The following TNFSF4 variants were observed in gnomAD, a reference collection of about 807,000 sequenced individuals.
The protein encoded by TNFSF4 is TNF superfamily member 4, also known as tumor necrosis factor ligand superfamily member 4.
A neutral mutation model predicts 7.3 loss-of-function variants in TNFSF4; 4 were observed. That is an observed-to-expected ratio of 0.55 (90% confidence interval 0.27 to 1.25). The LOEUF (loss-of-function observed/expected upper bound fraction) is 1.25, where lower values mean the gene tolerates loss of function less well. Ranked by LOEUF, TNFSF4 falls within the 50% of genes most tolerant of loss-of-function variation. The pLI is 0.12. For synonymous variants in TNFSF4, 76 were observed against 83.7 expected, an observed-to-expected ratio of 0.91 and a Z score of 0.50; for missense variants, 181 against 208.8, an observed-to-expected ratio of 0.87 and a Z score of 0.82.
the TNFSF4 span, among the ~76,000 whole-genome samples, chr1:173,323,395 T>C: frequency 6.6e-6 from 1 of 151,880 alleles, no homozygotes; most frequent in Non-Finnish European, 1.5e-5. Context: ...TACATCACCA[T>C]CATCAAAGAC....
the TNFSF4 span, among the ~76,000 whole-genome samples, chr1:173,407,724 G>GTGGGTA: frequency 6.6e-6 from 1 of 151,634 alleles, no homozygotes; most frequent in African/African-American, 2.4e-5. Flanking sequence ...GTGTGTGTGT[G>GTGGGTA]TGTGTCCTAG....
the TNFSF4 span, among the ~76,000 whole-genome samples, chr1:173,303,957 C>A: frequency 6.6e-6 from 1 of 151,786 alleles, no homozygotes; most frequent in African/African-American, 2.4e-5. Context: ...GAATTTAATG[C>A]AACAGCATTT....
the TNFSF4 span, among the ~76,000 whole-genome samples, chr1:173,385,148 T>C: frequency 6.6e-6 from 1 of 152,242 alleles, no homozygotes. Context: ...ATGAATCCTT[T>C]ATTCAAACAA....
chr1:173,232,475 G>C, the TNFSF4 span, among the ~76,000 whole-genome samples: 3 of 151,964 alleles, frequency 2.0e-5, no homozygotes, highest in Non-Finnish European at 4.4e-5. Flanking sequence ...TCTCCTGCCT[G>C]ATTGCCCAAG....
At chr1:173,442,771 G>T in the TNFSF4 span, among the ~76,000 whole-genome samples, 1 of 151,622 alleles carries the variant, frequency 6.6e-6, no homozygotes, top group African/African-American at 2.4e-5. Flanking sequence ...GGCTGGTCTC[G>T]AACTCCTGAA....
chr1:173,231,124 T>G, the TNFSF4 span, among the ~76,000 whole-genome samples: 1 of 151,932 alleles, frequency 6.6e-6, no homozygotes, highest in Non-Finnish European at 1.5e-5. Flanking sequence ...ATACCAAAGC[T>G]TGGCAGAGAC....
the TNFSF4 span, among the ~76,000 whole-genome samples, chr1:173,244,728 T>C: frequency 6.6e-6 from 1 of 151,784 alleles, no homozygotes; most frequent in Admixed American, 6.6e-5. Flanking sequence ...GAGTTTTCCA[T>C]TATGTTCACA....
chr1:173,319,406 G>A, the TNFSF4 span, among the ~76,000 whole-genome samples: 1 of 152,182 alleles, frequency 6.6e-6, no homozygotes, highest in Non-Finnish European at 1.5e-5. Flanking sequence ...GGTGGCTGTG[G>A]GCACAGCTTC....
chr1:173,214,992 A>AC, the TNFSF4 span, among the ~76,000 whole-genome samples: 1 of 151,894 alleles, frequency 6.6e-6, no homozygotes, highest in Admixed American at 6.6e-5. Context: ...TGTTCCTGCA[A>AC]CCCCCGACCC....
the TNFSF4 span, among the ~76,000 whole-genome samples, chr1:173,325,326 G>A: frequency 5.3e-5 from 8 of 151,984 alleles, no homozygotes; most frequent in African/African-American, 1.9e-4. Context: ...CGAGAACAAA[G>A]ACACAACATA....
At chr1:173,343,171 A>T in the TNFSF4 span, among the ~76,000 whole-genome samples, 1 of 152,248 alleles carries the variant, frequency 6.6e-6, no homozygotes, top group South Asian at 2.1e-4. Flanking sequence ...TAGTGAAGAC[A>T]GCAGTAATCA....
At chr1:173,396,170 T>C in the TNFSF4 span, among the ~76,000 whole-genome samples, 2,443 of 152,286 alleles carry the variant, frequency 0.016, 62 homozygotes, top group African/African-American at 0.053. Flanking sequence ...TTGAGTTTTC[T>C]CATTTATACA....
chr1:173,369,474 C>CT, the TNFSF4 span, among the ~76,000 whole-genome samples: 1 of 151,912 alleles, frequency 6.6e-6, no homozygotes, highest in Admixed American at 6.6e-5. Flanking sequence ...CTAGTGTTTC[C>CT]GCTGCTGCTT....
chr1:173,373,684 G>C, the TNFSF4 span, among the ~76,000 whole-genome samples: 2 of 152,172 alleles, frequency 1.3e-5, no homozygotes, highest in Non-Finnish European at 2.9e-5. Context: ...GCCCCTCTGG[G>C]GGAACAAAGA....
intron 1 of TNFSF4, 94 bp downstream of exon 1, chr1:173,206,930 T>A (rs1198536674): frequency 1.4e-6 from 2 of 1,404,844 alleles, no homozygotes; most frequent in East Asian, 2.4e-5. Context: ...TCAACACTTT[T>A]GGCATAAGAT....
chr1:173,234,433 T>C, the TNFSF4 span, among the ~76,000 whole-genome samples: 1 of 152,212 alleles, frequency 6.6e-6, no homozygotes, highest in Non-Finnish European at 1.5e-5. Context: ...TACCCAGCCA[T>C]CCCATTACTG....
At chr1:173,394,051 T>A in the TNFSF4 span, among the ~76,000 whole-genome samples, 1 of 152,254 alleles carries the variant, frequency 6.6e-6, no homozygotes, top group South Asian at 2.1e-4. Context: ...ATGCTTTTTA[T>A]CCATGGTGTA....
the TNFSF4 span, among the ~76,000 whole-genome samples, chr1:173,374,550 T>A: frequency 2.6e-5 from 4 of 152,194 alleles, no homozygotes; most frequent in African/African-American, 9.7e-5. Context: ...ATTGGAGGAC[T>A]TGTGTCTCCT....
At chr1:173,370,646 A>C in the TNFSF4 span, among the ~76,000 whole-genome samples, 1 of 152,146 alleles carries the variant, frequency 6.6e-6, no homozygotes, top group Non-Finnish European at 1.5e-5. Context: ...CCAATCAGCC[A>C]CAGATATCAG....
Sources: gnomAD v4.1 joint callset for allele counts (sites outside exome capture counted in the v4.1 genomes callset) on GRCh38, gnomAD v4.1.1 for gene constraint, MANE v1.5 for transcripts, NCBI Gene and HGNC (gene_info 2026-07-23, HGNC 2026-07-21) for gene names.